The following ZNF48 variants were observed in gnomAD, a reference collection of about 807,000 sequenced individuals.
ZNF48 encodes the protein zinc finger protein 553.
In ZNF48, 20 loss-of-function variants were observed where a neutral mutation model predicts 40.0. The ratio of observed to expected loss-of-function variants is 0.50; its 90% confidence interval spans 0.35 to 0.73. ZNF48 has a LOEUF of 0.73. Ranked by LOEUF, ZNF48 falls within the 30% of genes least tolerant of loss-of-function variation. The pLI, the probability that ZNF48 is intolerant of heterozygous loss-of-function variation, is 0.01. For synonymous variants in ZNF48, 298 were observed against 329.7 expected, an observed-to-expected ratio of 0.90 and a Z score of 1.04; for missense variants, 726 against 851.9, an observed-to-expected ratio of 0.85 and a Z score of 1.84.
At chr16:30,383,477 C>G (rs2049875398) in intron 1 of ZNF48, among the ~76,000 whole-genome samples, 1 of 152,200 alleles carries the variant, frequency 6.6e-6, no homozygotes, top group African/African-American at 2.4e-5. Context: ...GCGTGAGCCA[C>G]CATGCCAGGC....
rs765453158 is a variant in ZNF48, at chr16:30,399,051, A to G, written c.1801A>G (p.Ile601Val). Residue 601 changes from isoleucine (I) to valine (V), a missense_variant, in exon 3 of 3, where the codon ATA becomes GTA. Transcript: ENST00000613509. ...RGHLVLTPFG[I>V]GDGRARPLKQ... ...GCACCTGGTCCTGACGCCCTTTGGG[A>G]TAGGGGATGGTAGGGCAAGGCCCCT... 3 of 1,611,582 alleles carry G rather than the reference A, an allele frequency of 1.9e-6. No homozygotes were observed. Among genetic ancestry groups the G allele is most frequent in the African/African-American group, 1.3e-5 (1 of 74,734 alleles).
At chr16:30,385,200 TAA>T (rs2049891561) in intron 1 of ZNF48, among the ~76,000 whole-genome samples, 1 of 145,524 alleles carries the variant, frequency 6.9e-6, no homozygotes, top group Admixed American at 6.9e-5. Context: ...ATAATAATAA[TAA>T]TAATAATAAT....
chr16:30,395,994 G>A lies in ZNF48; in HGVS notation c.79+121G>A, dbSNP rs1193141718. 5 of 1,072,178 alleles carry A rather than the reference G, an allele frequency of 4.7e-6. No homozygotes were observed. In the South Asian group the frequency reaches 8.9e-5, roughly 19 times the overall value. The allele number at this position is 1,072,178 out of a possible 1,614,324, so 66.4% of individuals were successfully genotyped here. ...GTGAGCTGTGCCTCTGGGGAGATAGGGGGAGGGGAGCTTTCGGAGCACCAA... is the reference window on the plus strand; with the variant it reads ...GTGAGCTGTGCCTCTGGGGAGATAGAGGGAGGGGAGCTTTCGGAGCACCAA... On this transcript the variant is annotated intron_variant, in intron 2 of 2. Transcript: ENST00000613509. This position sits in a 1 kb window ranked among gnomAD's most constrained non-coding sequence, Gnocchi z 5.9.
chr16:30,379,640 C>CATTTT, intron 1 of ZNF48: 1 of 236,252 alleles, frequency 4.2e-6, no homozygotes, highest in Non-Finnish European at 7.5e-6. Flanking sequence ...GCCCCTTCCT[C>CATTTT]TTTTTTTTTT....
rs2049850761 is a variant in ZNF48 at position 30,381,659 on chromosome 16, C to T, written c.-16+3249C>T. ...ACCCAGTGGCCCTCTGAAACAGACA[C>T]CACCTTTTGAGATAGGGAGCCAGCA... is the stretch of plus-strand genomic sequence containing the variant. On this transcript the variant is annotated intron_variant, in intron 1 of 2. Coordinates refer to the ZNF48 transcript ENST00000528032. The surrounding 1 kb of genome is among the most constrained non-coding windows in gnomAD (Gnocchi z 4.3). 1.9e-6 allele frequency: 3 copies of T among 1,547,992 alleles called. No individual in the cohort carries two copies. The highest frequency in any genetic ancestry group is 2.6e-6 in the Non-Finnish European group (3 of 1,144,236).
Position 30,395,701 on chromosome 16 carries a change from C to CCGGCAGAGGGCAG in ZNF48, c.-15-72_-15-60dup. The CCGGCAGAGGGCAG allele has an allele frequency of 8.4e-7, 1 of 1,186,698 alleles. No homozygotes were observed. The allele number at this position is 1,186,698 out of a possible 1,614,324, so 73.5% of individuals were successfully genotyped here. A position where few individuals can be genotyped will look rare whatever the true frequency, so the allele number is the denominator to read the frequency against. On this transcript the variant is annotated intron_variant, in intron 1 of 2. Coordinates refer to ENST00000613509, the MANE Select transcript of ZNF48 (RefSeq NM_001214909.2). This position sits in a 1 kb window ranked among gnomAD's most constrained non-coding sequence, Gnocchi z 5.9. The stretch of plus-strand genomic sequence containing the variant: ...CGACGCCGCCCGGTGCCCGCGCTGG[C>CCGGCAGAGGGCAG]CGGCAGAGGGCAGCGGCAGGGCGCC...
chr16:30,389,633 T>A (rs1341118010), intron 1 of ZNF48, among the ~76,000 whole-genome samples: 7 of 150,566 alleles, frequency 4.6e-5, no homozygotes, highest in Admixed American at 4.6e-4. Flanking sequence ...TTTATATGAA[T>A]TAACAGTGAC....
chr16:30,380,846 G>A (rs959758380), intron 1 of ZNF48: 7 of 484,084 alleles, frequency 1.4e-5, no homozygotes, highest in African/African-American at 1.2e-4. Flanking sequence ...AAGACACGGG[G>A]TGGGGGCCAG....
At position 30,381,347 on chromosome 16, in the gene ZNF48, G is replaced by A. The variant is rs375556576; in HGVS notation, c.-16+2937G>A. ...GGATCCCCCCACCAGACCCCCGGCCGAAGGGTGAGATGAAGTAGAGGCAGC... is the reference window on the plus strand; with the variant it reads ...GGATCCCCCCACCAGACCCCCGGCCAAAGGGTGAGATGAAGTAGAGGCAGC... On this transcript the variant is annotated intron_variant, in intron 1 of 2. Transcript: ENST00000528032. The surrounding 1 kb of genome is among the most constrained non-coding windows in gnomAD (Gnocchi z 4.3). 16 of 1,607,614 alleles carry A rather than the reference G, an allele frequency of 1.0e-5. No homozygotes were observed. The highest frequency in any genetic ancestry group is 6.7e-5 in the East Asian group (3 of 44,806).
rs900416045 is a variant in ZNF48, at chr16:30,395,774, G to A, written c.-15-6G>A. The stretch of plus-strand genomic sequence containing the variant: ...ACCGCGGGATGCTGTCTGTCCCCTT[G>A]CTCAGGGCGGCGTGCCGGCGATGGA... On this transcript the variant is annotated splice_region_variant and splice_polypyrimidine_tract_variant and intron_variant, in intron 1 of 2. Coordinates refer to ENST00000613509, the MANE Select transcript of ZNF48 (RefSeq NM_001214909.2). The surrounding 1 kb of genome is among the most constrained non-coding windows in gnomAD (Gnocchi z 5.9). 1.3e-6 allele frequency: 2 copies of A among 1,530,962 alleles called. No homozygotes were observed. Among genetic ancestry groups the A allele is most frequent in the Non-Finnish European group, 1.8e-6 (2 of 1,141,330 alleles). 94.8% of individuals were successfully genotyped at this position (1,530,962 alleles called of 1,614,324 possible). A position where few individuals can be genotyped will look rare whatever the true frequency, so the allele number is the denominator to read the frequency against.
chr16:30,388,029 C>T (rs1267681064), intron 1 of ZNF48, among the ~76,000 whole-genome samples: 2 of 151,174 alleles, frequency 1.3e-5, no homozygotes, highest in Non-Finnish European at 2.9e-5. Context: ...TGCAATGGCG[C>T]GATCTCGGCT....
At chr16:30,378,509 C>A (rs1239351271) in intron 1 of ZNF48, 1 of 1,580,984 alleles carries the variant, frequency 6.3e-7, no homozygotes, top group South Asian at 1.1e-5. Context: ...GCATCTCTTG[C>A]ATGCGGCGCA....
At chr16:30,391,581 C>T (rs1035656296), upstream of ZNF48, among the ~76,000 whole-genome samples, 74 of 150,128 alleles carry the variant, frequency 4.9e-4, no homozygotes, top group African/African-American at 1.8e-3. Flanking sequence ...CTGCAACCTC[C>T]GGCTCGCGAG....
chr16:30,379,402 C>A (rs754922578), intron 1 of ZNF48: 3 of 1,581,618 alleles, frequency 1.9e-6, no homozygotes, highest in South Asian at 2.2e-5. Context: ...GGGCTCCCTG[C>A]TGGCCTTAGG....
chr16:30,381,915 G>T lies in ZNF48; in HGVS notation c.-16+3505G>T. On this transcript the variant is annotated intron_variant, in intron 1 of 2. Transcript: ENST00000528032. The surrounding 1 kb of genome is among the most constrained non-coding windows in gnomAD (Gnocchi z 4.3). ...GATGGGGGAGAGGTCAGGGATCCGG[G>T]GAGGCTCTGAGGCAGAATTAATTTC... 1.9e-6 allele frequency: 3 copies of T among 1,613,312 alleles called. No individual in the cohort carries two copies. The highest frequency in any genetic ancestry group is 2.5e-6 in the Non-Finnish European group (3 of 1,179,642).
In ZNF48 at chr16:30,381,369, C is replaced by G; in HGVS notation, c.-16+2959C>G. On this transcript the variant is annotated intron_variant, in intron 1 of 2. Coordinates refer to the ZNF48 transcript ENST00000528032. The surrounding 1 kb of genome is among the most constrained non-coding windows in gnomAD (Gnocchi z 4.3). ...GCCGAAGGGTGAGATGAAGTAGAGG[C>G]AGCAGTGGACTCGGGAGTCCTGGAT... 1 of 1,613,242 alleles carries G rather than the reference C, an allele frequency of 6.2e-7. No homozygotes were observed. Among genetic ancestry groups the G allele is most frequent in the African/African-American group, 1.3e-5 (1 of 74,728 alleles).
chr16:30,398,244 C>T lies in ZNF48; in HGVS notation c.994C>T (p.Leu332Phe). 1 of 1,613,626 alleles carries T rather than the reference C, an allele frequency of 6.2e-7. No homozygotes were observed. Among genetic ancestry groups the T allele is most frequent in the Non-Finnish European group, 8.5e-7 (1 of 1,180,020 alleles). The change falls in exon 3 of 3, where the codon CTC becomes TTC. Residue 332 changes from leucine to phenylalanine, a missense_variant. Physicochemically the swap from Leu to Phe is conservative, Grantham distance 22. Around this residue, in one of 5 missense-constraint regions of ZNF48, gnomAD observed 378 missense variants for 449.1 expected, o/e 0.84. Coordinates refer to ENST00000613509, the MANE Select transcript of ZNF48 (RefSeq NM_001214909.2). The surrounding 1 kb of genome is among the most constrained non-coding windows in gnomAD (Gnocchi z 6.6). ...LRVHTGEKPY[L>F]CPECGKGFAD... ...GGTGCACACGGGTGAGAAGCCCTAC[C>T]TCTGCCCAGAGTGCGGCAAAGGTTT...
Position 30,389,218 on chromosome 16 carries a change from C to A in ZNF48, c.-15-6562C>A, listed in dbSNP as rs576435568. Among the ~76,000 whole-genome samples, 90 of 151,742 alleles carry A rather than the reference C, an allele frequency of 5.9e-4. 1 individual carries two copies. The highest frequency in any genetic ancestry group is 1.7e-3 in the African/African-American group (72 of 41,370). On this transcript the variant is annotated intron_variant, in intron 1 of 2. Transcript: ENST00000528032. ...ATCATCCTGGCTGACACGGTGAAAC[C>A]CCTCTCTACTAAGAATACAAAAAAT...
Position 30,381,895 on chromosome 16 carries a change from G to A in ZNF48, c.-16+3485G>A, listed in dbSNP as rs775433753. 6.2e-7 allele frequency: 1 copy of A among 1,614,036 alleles called. No homozygotes were observed. Among genetic ancestry groups the A allele is most frequent in the South Asian group, 1.1e-5 (1 of 91,076 alleles). On this transcript the variant is annotated intron_variant, in intron 1 of 2. Coordinates refer to the ZNF48 transcript ENST00000528032. This position sits in a 1 kb window ranked among gnomAD's most constrained non-coding sequence, Gnocchi z 4.3. ...CTGTGTCAAGCGAGCTGTGGGATGG[G>A]GGAGAGGTCAGGGATCCGGGGAGGC...
Sources: allele counts gnomAD v4.1 joint callset (sites outside exome capture counted in the v4.1 genomes callset), GRCh38; gene constraint gnomAD v4.1.1; regional missense constraint gnomAD v4.1.1; non-coding constraint Gnocchi (gnomAD v3.1); transcripts MANE v1.5; gene names NCBI Gene and HGNC (gene_info 2026-07-23, HGNC 2026-07-21).